Variants in MAPK3 observed in about 807,000 individuals in gnomAD.
The protein encoded by MAPK3 is MAPK 1.
In MAPK3, 30 loss-of-function variants were observed where a neutral mutation model predicts 41.8. The ratio of observed to expected loss-of-function variants is 0.72; its 90% CI spans 0.54 to 0.97. The LOEUF is 0.97. Among genes scored for constraint, MAPK3 ranks in the 50% least tolerant of loss-of-function variants. The pLI is 0.00. For synonymous variants in MAPK3, 222 were observed against 213.4 expected (o/e 1.04, Z -0.35); for missense variants, 413 against 509.9 (o/e 0.81, Z 1.83).
In MAPK3 at chr16:30,117,206, G is replaced by C; in HGVS notation, c.855C>G (p.Pro285=). 3 of 1,614,146 alleles carry C rather than the reference G, an allele frequency of 1.9e-6. No individual in the cohort carries two copies. The highest frequency in any genetic ancestry group is 4.5e-5 in the East Asian group (2 of 44,880). Residue 285 remains proline (P), a synonymous_variant, in exon 6 of 9, where the codon CCC becomes CCG. Coordinates refer to ENST00000263025, the MANE Select transcript of MAPK3 (RefSeq NM_002746.3). ...MKARNYLQSL[P]SKTKVAWAKL... ...TGGCCCAAGCCACCTTGGTCTTGGAGGGCAGAGACTGTAGGTAGTTTCGGG... is the reference window on the plus strand; with the variant it reads ...TGGCCCAAGCCACCTTGGTCTTGGACGGCAGAGACTGTAGGTAGTTTCGGG...
chr16:30,117,922 T>C lies in MAPK3; in HGVS notation c.660+125A>G, dbSNP rs186148275. On this transcript the variant is annotated intron_variant, in intron 4 of 8. Transcript: ENST00000263025. Reference sequence around the variant, plus strand: ...CTGGAGGGCTCAATGCTCAGCTTCCTTGCAGAGCCCAAGGCCCAGAGGGTA... The same window carrying C: ...CTGGAGGGCTCAATGCTCAGCTTCCCTGCAGAGCCCAAGGCCCAGAGGGTA... 1.7e-3 allele frequency: 1,902 copies of C among 1,107,418 alleles called. 10 individuals carry two copies. The highest frequency in any genetic ancestry group is 1.7e-3 in the Admixed American group (85 of 51,020). The allele number at this position is 1,107,418 out of a possible 1,614,324, so 68.6% of individuals were successfully genotyped here.
At chr16:30,122,995 G>A (rs1386128248) in intron 1 of MAPK3, 45 bp downstream of exon 1, 1 of 1,383,270 alleles carries the variant, frequency 7.2e-7, no homozygotes, top group East Asian at 3.0e-5. Context: ...CTCCCGCGAA[G>A]CCCCCTCCCC....
intron 1 of MAPK3, chr16:30,122,789 G>T (rs1265479297): frequency 2.7e-6 from 1 of 366,290 alleles, no homozygotes; most frequent in Non-Finnish European, 4.9e-6. Flanking sequence ...GCACTCGGAT[G>T]CCCCTCCCAT....
At chr16:30,117,972 T>C in intron 4 of MAPK3, 75 bp downstream of exon 4, 2 of 1,356,842 alleles carry the variant, frequency 1.5e-6, no homozygotes, top group Admixed American at 1.7e-5. Context: ...TGGGGGTCAG[T>C]GTCTGGCTCA....
rs1284498604 is a variant in MAPK3, at chr16:30,118,133, C to T, written c.574G>A (p.Asp192Asn). ...ICDFGLARIA[D>N]PEHDHTGFLT... ...AAGCCGGTGTGGTCATGCTCAGGAT[C>T]GGCAATCCGGGCCAGGCCGAAATCA... Residue 192 changes from aspartate to asparagine, a missense_variant, in exon 4 of 9, where the codon GAT (aspartate) becomes AAT (asparagine). By Grantham distance (23) the Asp-to-Asn change is conservative. Around this residue, in one of 4 missense-constraint regions of MAPK3, gnomAD observed 140 missense variants for 206.0 expected, o/e 0.68. Coordinates refer to ENST00000263025, the MANE Select transcript of MAPK3 (RefSeq NM_002746.3). 5 of 1,613,956 alleles carry T rather than the reference C, an allele frequency of 3.1e-6. No individual in the cohort carries two copies. Among genetic ancestry groups the T allele is most frequent in the East Asian group, 2.2e-5 (1 of 44,898 alleles).
intron 7 of MAPK3, 49 bp downstream of exon 7, chr16:30,116,845 C>CACCCTGCT (rs1296119853): frequency 6.2e-7 from 1 of 1,613,218 alleles, no homozygotes; most frequent in East Asian, 2.2e-5. Flanking sequence ...GCCTACGTGC[C>CACCCTGCT]CCCCTGCTCC....
rs1596884307 is a variant in MAPK3, at chr16:30,122,844, A to C, written c.170+196T>G. The C allele has an allele frequency of 3.8e-5, 18 of 473,962 alleles. No homozygotes were observed. The East Asian group carries it at 6.5e-4, about 17-fold the overall frequency. The allele number at this position is 473,962 out of a possible 1,614,324, so 29.4% of individuals were successfully genotyped here. On this transcript the variant is annotated intron_variant, in intron 1 of 8. Coordinates refer to ENST00000263025, the MANE Select transcript of MAPK3 (RefSeq NM_002746.3). ...CAAAGCCTCCAAGCCTGCTCCCCTG[A>C]GGACGTAGGCAGCGCCCCCTCCCCC... is the stretch of plus-strand genomic sequence containing the variant.
Position 30,118,509 on chromosome 16 carries a change from T to C in MAPK3, c.383A>G (p.Asp128Gly). ...CTGGCTTTTCAGCAACTTGTACAGG[T>C]CAGTCTCCATCAGGTCCTGCACAAT... ...VYIVQDLMET[D>G]LYKLLKSQQL... is the part of the protein sequence containing the mutation. The change falls in exon 3 of 9, where the codon GAC becomes GGC. Residue 128 changes from aspartate to glycine, a missense_variant. By Grantham distance (94) the Asp-to-Gly change is moderately conservative. Around this residue, in one of 4 missense-constraint regions of MAPK3, gnomAD observed 140 missense variants for 206.0 expected, o/e 0.68. Coordinates refer to ENST00000263025, the MANE Select transcript of MAPK3 (RefSeq NM_002746.3). The C allele has an allele frequency of 1.2e-6, 2 of 1,613,658 alleles. No homozygotes were observed. Among genetic ancestry groups the C allele is most frequent in the Non-Finnish European group, 1.7e-6 (2 of 1,179,852 alleles).
In MAPK3 at chr16:30,117,093, G is replaced by A. The variant is rs1198735290; in HGVS notation, c.907+61C>T. ...GCCTGTCTCCTCCAGCGGCTGCTGG[G>A]CTCACACACCCTCCACGACACCCAA... On this transcript the variant is annotated intron_variant, in intron 6 of 8. Coordinates refer to ENST00000263025, the MANE Select transcript of MAPK3 (RefSeq NM_002746.3). The A allele has an allele frequency of 1.9e-6, 3 of 1,606,198 alleles. No homozygotes were observed. The East Asian group carries it at 6.7e-5, about 36-fold the overall frequency.
intron 1 of MAPK3, chr16:30,122,581 G>C (rs1596884053): frequency 5.8e-6 from 1 of 172,716 alleles, no homozygotes; most frequent in African/African-American, 2.4e-5. Context: ...TGGGGTGGTG[G>C]GGCCAAAGCC....
chr16:30,116,802 G>C lies in MAPK3; in HGVS notation c.1018-12C>G. The C allele has an allele frequency of 6.2e-7, 1 of 1,613,812 alleles. No homozygotes were observed. The highest frequency in any genetic ancestry group is 1.1e-5 in the South Asian group (1 of 91,076). The stretch of plus-strand genomic sequence containing the variant: ...TCCTCGGCCACTGGCTGGGGTGGTA[G>C]AGACAGCAAGGCTCAGGCCTGGCAT... On this transcript the variant is annotated splice_polypyrimidine_tract_variant and intron_variant, in intron 7 of 8. Coordinates refer to ENST00000263025, the MANE Select transcript of MAPK3 (RefSeq NM_002746.3).
At chr16:30,119,909 C>T (rs1446889070) in intron 2 of MAPK3, among the ~76,000 whole-genome samples, 1 of 152,200 alleles carries the variant, frequency 6.6e-6, no homozygotes, top group African/African-American at 2.4e-5. Flanking sequence ...TGGCTCATGC[C>T]TGTAATCCCA....
At chr16:30,122,398 G>T in intron 1 of MAPK3, 1 of 322,112 alleles carries the variant, frequency 3.1e-6, no homozygotes, top group Non-Finnish European at 6.0e-6. Context: ...GCCAGGGGAG[G>T]GGCAGGAGAG....
intron 2 of MAPK3, among the ~76,000 whole-genome samples, chr16:30,119,713 C>T (rs2072996778): frequency 2.0e-5 from 3 of 152,228 alleles, no homozygotes; most frequent in Admixed American, 2.0e-4. Context: ...CAACAGCACA[C>T]TCCCACTCAA....
At chr16:30,118,790 C>T (rs376084569) in intron 2 of MAPK3, among the ~76,000 whole-genome samples, 236 of 152,094 alleles carry the variant, frequency 1.6e-3, no homozygotes, top group African/African-American at 5.5e-3. Context: ...GTTTCCCTAC[C>T]GGGGAAACGG....
At chr16:30,122,072 C>A (rs757814390) in intron 1 of MAPK3, 66 bp from the exon 2 acceptor site, 3 of 1,529,550 alleles carry the variant, frequency 2.0e-6, no homozygotes, top group Non-Finnish European at 1.8e-6. Flanking sequence ...CTGGTGGCCC[C>A]ACCCAGGCCT....
In MAPK3 at chr16:30,116,678, T is replaced by C; in HGVS notation, c.1130A>G (p.Glu377Gly). 6.2e-7 allele frequency: 1 copy of C among 1,613,440 alleles called. No homozygotes were observed. The highest frequency in any genetic ancestry group is 8.5e-7 in the Non-Finnish European group (1 of 1,179,972). The change falls in exon 8 of 9, where the codon GAG becomes GGG. Residue 377 changes from glutamate to glycine, a missense_variant. Around this residue, in one of 4 missense-constraint regions of MAPK3, gnomAD observed 123 missense variants for 147.8 expected, o/e 0.83. Transcript: ENST00000263025. ...AGATGTCTGTCTGGGCTAGGGGGCC[T>C]CCAGCACTCCGGGCTGGAAGCGTGC... is the stretch of plus-strand genomic sequence containing the variant. ...ETARFQPGVL[E>G]AP
At chr16:30,117,871 T>A in intron 4 of MAPK3, 87 bp from the exon 5 acceptor site, 1 of 1,187,708 alleles carries the variant, frequency 8.4e-7, no homozygotes, top group Non-Finnish European at 1.3e-6. Context: ...CCAAGTTAGA[T>A]CCAACACCAG....
At chr16:30,116,335 G>C (rs369731981) in intron 8 of MAPK3, among the ~76,000 whole-genome samples, 7 of 151,692 alleles carry the variant, frequency 4.6e-5, no homozygotes, top group African/African-American at 1.7e-4. Context: ...CACTGTGCCC[G>C]GCTAATTTTT....
Sources: allele counts gnomAD v4.1 joint callset (sites outside exome capture counted in the v4.1 genomes callset), GRCh38; gene constraint gnomAD v4.1.1; regional missense constraint gnomAD v4.1.1; transcripts MANE v1.5; gene names NCBI Gene and HGNC (gene_info 2026-07-23, HGNC 2026-07-21).